KIF13B: variants seen among roughly 807,000 people sequenced by gnomAD.
The protein encoded by KIF13B is kinesin family member 13B, also known as kinesin-like protein KIF13B.
In KIF13B, 127 loss-of-function variants were observed where a neutral mutation model predicts 222.0. The ratio of observed to expected loss-of-function variants is 0.57; its 90% confidence interval spans 0.50 to 0.66. The LOEUF (loss-of-function observed/expected upper bound fraction) is 0.66, where lower values mean the gene tolerates loss of function less well. Among genes scored for constraint, KIF13B ranks in the 30% least tolerant of loss-of-function variants. The pLI is 0.00. For synonymous variants in KIF13B, 976 were observed against 919.0 expected, an observed-to-expected ratio of 1.06 and a Z score of -1.12; for missense variants, 2,173 against 2,379.0, an observed-to-expected ratio of 0.91 and a Z score of 1.80.
intron 27 of KIF13B, 127 bp from the exon 28 acceptor site, chr8:29,123,619 C>T: frequency 8.1e-7 from 1 of 1,232,480 alleles, no homozygotes; most frequent in Non-Finnish European, 1.2e-6. Flanking sequence ...GTGATAAAAA[C>T]TAACCCACAG....
chr8:29,229,926 A>C (rs1220500688), intron 2 of KIF13B, among the ~76,000 whole-genome samples: 1 of 152,232 alleles, frequency 6.6e-6, no homozygotes, highest in Non-Finnish European at 1.5e-5. Context: ...AGTACCTACC[A>C]TATATGCCAG....
intron 21 of KIF13B, among the ~76,000 whole-genome samples, chr8:29,137,953 T>C (rs146312529): frequency 1.1e-4 from 17 of 152,330 alleles, no homozygotes; most frequent in African/African-American, 4.1e-4. Context: ...ATGCAACAGA[T>C]AGACACACAC....
chr8:29,180,136 G>C lies in KIF13B; in HGVS notation c.688C>G (p.Leu230Val), dbSNP rs767981563. 3.7e-6 allele frequency: 6 copies of C among 1,613,858 alleles called. No individual in the cohort carries two copies. Among genetic ancestry groups the C allele is most frequent in the Middle Eastern group, 1.6e-4 (1 of 6,082 alleles). Reference sequence around the variant, plus strand: ...TTCACATCGTAGAGAGTATGTGTGAGGGTGATTTTGAAAACTGCATGGGAT... The same window carrying C: ...TTCACATCGTAGAGAGTATGTGTGACGGTGATTTTGAAAACTGCATGGGAT... ...SRSHAVFKIT[L>V]THTLYDVKSG... The change falls in exon 8 of 40, where the codon CTC becomes GTC. Residue 230 changes from leucine to valine, a missense_variant. This residue lies in a region of KIF13B where 1,480 missense variants were observed against 1,722.8 expected (regional missense o/e 0.86). Transcript: ENST00000524189.
intron 2 of KIF13B, among the ~76,000 whole-genome samples, chr8:29,228,472 A>AAAAAAATATATATATAT: frequency 8.5e-6 from 1 of 117,084 alleles, no homozygotes; most frequent in African/African-American, 3.3e-5. Context: ...ATCTTAAAAA[A>AAAAAAATATATATATAT]ATATATATAT....
At chr8:29,226,262 C>T (rs574063731) in intron 2 of KIF13B, among the ~76,000 whole-genome samples, 36 of 152,074 alleles carry the variant, frequency 2.4e-4, no homozygotes, top group Non-Finnish European at 3.7e-4. Flanking sequence ...ACATGACTGT[C>T]TGGCATGAAA....
chr8:29,230,698 T>C (rs117173627), intron 2 of KIF13B, among the ~76,000 whole-genome samples: 7 of 151,912 alleles, frequency 4.6e-5, no homozygotes, highest in East Asian at 1.9e-4. Flanking sequence ...ACAGCCAGGG[T>C]TGAAAAGTGA....
At chr8:29,252,646 C>A (rs1816327394) in intron 1 of KIF13B, among the ~76,000 whole-genome samples, 1 of 152,172 alleles carries the variant, frequency 6.6e-6, no homozygotes, top group South Asian at 2.1e-4. Context: ...TATTTTCAAC[C>A]AATTAGTGTC....
At chr8:29,184,923 T>C (rs1272722403) in intron 6 of KIF13B, among the ~76,000 whole-genome samples, 1 of 152,152 alleles carries the variant, frequency 6.6e-6, no homozygotes, top group Non-Finnish European at 1.5e-5. Context: ...ACCTGGACCG[T>C]AAGGTACTCT....
chr8:29,216,990 ACT>A (rs1814514018), intron 2 of KIF13B, among the ~76,000 whole-genome samples: 1 of 151,908 alleles, frequency 6.6e-6, no homozygotes, highest in Non-Finnish European at 1.5e-5. Flanking sequence ...TCTTAAGTGC[ACT>A]GTAAGTGTTA....
At chr8:29,081,829 C>A (rs1807828691) in intron 37 of KIF13B, among the ~76,000 whole-genome samples, 1 of 152,158 alleles carries the variant, frequency 6.6e-6, no homozygotes, top group Non-Finnish European at 1.5e-5. Flanking sequence ...GGTGTGGTGC[C>A]AGGTATGCTG....
chr8:29,183,583 G>A (rs1812808924), intron 6 of KIF13B, among the ~76,000 whole-genome samples: 1 of 152,078 alleles, frequency 6.6e-6, no homozygotes, highest in South Asian at 2.1e-4. Context: ...CCTCACCTTA[G>A]GCATGAATTA....
At chr8:29,124,171 C>T in intron 26 of KIF13B, 48 bp from the exon 27 acceptor site, 2 of 1,069,890 alleles carry the variant, frequency 1.9e-6, no homozygotes, top group South Asian at 2.7e-5. Flanking sequence ...TCAAGATAAT[C>T]TATCTGAAAC....
At chr8:29,139,875 G>A (rs536301028) in intron 21 of KIF13B, among the ~76,000 whole-genome samples, 188 bp downstream of exon 21, 2 of 152,164 alleles carry the variant, frequency 1.3e-5, no homozygotes, top group Non-Finnish European at 2.9e-5. Context: ...TATCATGAGT[G>A]GGGGAGGCTC....
rs150468634 is a variant in KIF13B, at chr8:29,132,201, G to A, written c.2942+107C>T. 7.1e-4 allele frequency: 555 copies of A among 778,108 alleles called. 1 individual carries two copies. In the African/African-American group the frequency reaches 9.2e-3, roughly 13 times the overall value. The allele number at this position is 778,108 out of a possible 1,614,324, so 48.2% of individuals were successfully genotyped here. On this transcript the variant is annotated intron_variant, in intron 23 of 39. Transcript: ENST00000524189. ...GCAGAGGCTGCAGTGAGCCAAGATCGTGCCACTGCACTCCAGCCTGGGTGA... is the reference window on the plus strand; with the variant it reads ...GCAGAGGCTGCAGTGAGCCAAGATCATGCCACTGCACTCCAGCCTGGGTGA...
At chr8:29,073,960 C>T (rs1807434909) in intron 38 of KIF13B, among the ~76,000 whole-genome samples, 1 of 152,208 alleles carries the variant, frequency 6.6e-6, no homozygotes. Flanking sequence ...AATCATTCTT[C>T]CTTTGCACAT....
intron 2 of KIF13B, among the ~76,000 whole-genome samples, chr8:29,244,896 A>G (rs1815953169): frequency 6.6e-6 from 1 of 152,188 alleles, no homozygotes; most frequent in Non-Finnish European, 1.5e-5. Context: ...ATTAGGTAGG[A>G]CAGATTATAA....
intron 12 of KIF13B, 49 bp downstream of exon 12, chr8:29,165,613 T>C (rs768519042): frequency 1.6e-6 from 2 of 1,219,972 alleles, no homozygotes; most frequent in Non-Finnish European, 2.4e-6. Flanking sequence ...TGTCCCATTG[T>C]GCAAACTGCC....
intron 2 of KIF13B, among the ~76,000 whole-genome samples, chr8:29,196,438 G>C (rs1248210285): frequency 1.3e-5 from 2 of 152,180 alleles, no homozygotes; most frequent in African/African-American, 4.8e-5. Flanking sequence ...GTAGAAGGAG[G>C]ACTGAGCACA....
chr8:29,233,252 A>C (rs1815366113), intron 2 of KIF13B, among the ~76,000 whole-genome samples: 1 of 152,224 alleles, frequency 6.6e-6, no homozygotes, highest in Non-Finnish European at 1.5e-5. Context: ...TATCAATAGC[A>C]AGAGAACAAT....
Sources: gnomAD v4.1 joint callset for allele counts (sites outside exome capture counted in the v4.1 genomes callset) on GRCh38, gnomAD v4.1.1 for gene constraint, gnomAD v4.1.1 regional missense constraint, MANE v1.5 for transcripts, NCBI Gene and HGNC (gene_info 2026-07-23, HGNC 2026-07-21) for gene names.